USO1: variants seen among roughly 807,000 people sequenced by gnomAD.
USO1 encodes the protein general vesicular transport factor p115.
Under a neutral mutation model 124.5 loss-of-function variants are expected in USO1, and 57 were observed. The observed-to-expected ratio is 0.46, with a 90% CI of 0.37 to 0.57. The LOEUF (loss-of-function observed/expected upper bound fraction) is 0.57, where lower values mean the gene tolerates loss of function less well. Among genes scored for constraint, USO1 ranks in the 20% least tolerant of loss-of-function variants. The probability of loss-of-function intolerance (pLI) is 0.00; values close to 1 mark genes in which losing one functional copy is unlikely to be tolerated. For synonymous variants in USO1, 369 were observed against 362.8 expected, an observed-to-expected ratio of 1.02 and a Z score of -0.19; for missense variants, 900 against 1,040.6, an observed-to-expected ratio of 0.86 and a Z score of 1.86.
intron 1 of USO1, among the ~76,000 whole-genome samples, chr4:75,736,993 A>G (rs1720810551): frequency 6.6e-6 from 1 of 152,238 alleles, no homozygotes; most frequent in Non-Finnish European, 1.5e-5. Flanking sequence ...TGGTCAGGTC[A>G]TAGAGAAGGC....
rs1377073414 is a variant in USO1 at position 75,806,538 on chromosome 4, C to T, written c.2342C>T (p.Ala781Val). ...GAACAGTCTTCAGCAATAGTTTCAGCTAGAGATTCTGAACAAGTTGCAGAA... is the reference window on the plus strand; with the variant it reads ...GAACAGTCTTCAGCAATAGTTTCAGTTAGAGATTCTGAACAAGTTGCAGAA... ...TNEQSSAIVSARDSEQVAELK... is the reference protein window; with the variant it reads ...TNEQSSAIVSVRDSEQVAELK... The change falls in exon 20 of 24, where the codon GCT becomes GTT. Residue 781 changes from alanine (A) to valine (V), a missense_variant. Physicochemically the swap from Ala to Val is moderately conservative, Grantham distance 64 (BLOSUM62 0). Around this residue, in one of 2 missense-constraint regions of USO1, gnomAD observed 362 missense variants for 359.0 expected, o/e 1.01. Transcript: ENST00000514213. 4 of 1,560,710 alleles carry T rather than the reference C, an allele frequency of 2.6e-6. No homozygotes were observed. The Admixed American group carries it at 7.7e-5, about 30-fold the overall frequency.
chr4:75,724,946 A>G (rs748038629), intron 1 of USO1, 61 bp downstream of exon 1: 2 of 1,585,086 alleles, frequency 1.3e-6, no homozygotes, highest in South Asian at 1.1e-5. Flanking sequence ...GGGACGGAGC[A>G]CTCGGAGACC....
Position 75,813,206 on chromosome 4 carries a change from G to C in USO1, c.2800G>C (p.Val934Leu). 6.2e-7 allele frequency: 1 copy of C among 1,604,518 alleles called. No homozygotes were observed. Among genetic ancestry groups the C allele is most frequent in the Non-Finnish European group, 8.5e-7 (1 of 1,177,416 alleles). ...KNKLKDLGHP[V>L]EEEDELESGD... ...TATTAAATACGTCTTTTTCCTCTAG[G>C]TTGAAGAAGAGGATGAACTTGAATC... Residue 934 changes from valine (V) to leucine (L), a missense_variant and splice_region_variant, in exon 24 of 24, where the codon GTT (valine) becomes CTT (leucine). Around this residue, in one of 2 missense-constraint regions of USO1, gnomAD observed 362 missense variants for 359.0 expected, o/e 1.01. Coordinates refer to ENST00000514213, the MANE Select transcript of USO1 (RefSeq NM_003715.4).
intron 1 of USO1, among the ~76,000 whole-genome samples, chr4:75,750,376 T>C (rs2149152719): frequency 6.6e-6 from 1 of 151,822 alleles, no homozygotes; most frequent in East Asian, 1.9e-4. Flanking sequence ...AGGTTGTGGC[T>C]ACAGGGAGCC....
chr4:75,809,349 T>A (rs1161753820), intron 21 of USO1, among the ~76,000 whole-genome samples: 1 of 152,174 alleles, frequency 6.6e-6, no homozygotes, highest in East Asian at 1.9e-4. Flanking sequence ...TCAGAAACCG[T>A]TGTTGTTTTC....
chr4:75,765,699 A>G, intron 4 of USO1, among the ~76,000 whole-genome samples: 1 of 150,306 alleles, frequency 6.7e-6, no homozygotes, highest in Non-Finnish European at 1.5e-5. Context: ...ATCACAATTT[A>G]CCAAGCAAGG....
rs182043148 is a variant in USO1 at position 75,761,114 on chromosome 4, G to T, written c.295+3541G>T. On this transcript the variant is annotated intron_variant, in intron 4 of 23. Transcript: ENST00000514213. Reference sequence around the variant, plus strand: ...GTGAGCTAAGATTGTGCCACTGCACGATCCAGCCTGGGCGACAGAGTGAGA... The same window carrying T: ...GTGAGCTAAGATTGTGCCACTGCACTATCCAGCCTGGGCGACAGAGTGAGA... 5.9e-3 allele frequency among the ~76,000 whole-genome samples: 900 copies of T among 151,926 alleles called. 15 individuals are homozygous for T. The highest frequency in any genetic ancestry group is 0.021 in the African/African-American group (853 of 41,420).
In USO1 at chr4:75,799,815, C is replaced by G. The variant is rs112991102; in HGVS notation, c.1563+83C>G. On this transcript the variant is annotated intron_variant, in intron 14 of 23. Coordinates refer to ENST00000514213, the MANE Select transcript of USO1 (RefSeq NM_003715.4). The stretch of plus-strand genomic sequence containing the variant: ...TCCTCAATTAGAAGTAGTTCTATGC[C>G]CAAAATATTTGAATTCTCCACTATC... The G allele has an allele frequency of 2.3e-5, 34 of 1,488,706 alleles. 1 individual carries two copies. The African/African-American group carries it at 2.7e-4, about 12-fold the overall frequency. 92.2% of individuals were successfully genotyped at this position (1,488,706 alleles called of 1,614,324 possible).
chr4:75,767,968 C>A (rs1264195964), intron 4 of USO1, among the ~76,000 whole-genome samples: 2 of 152,112 alleles, frequency 1.3e-5, no homozygotes, highest in Admixed American at 6.5e-5. Context: ...CCTTCTAATA[C>A]AAGAACACAG....
At chr4:75,782,573 A>G in intron 8 of USO1, 107 bp from the exon 9 acceptor site, 1 of 1,395,906 alleles carries the variant, frequency 7.2e-7, no homozygotes, top group Non-Finnish European at 9.4e-7. Context: ...CTGCCTGGCC[A>G]TATTGAAGAG....
intron 5 of USO1, 107 bp from the exon 6 acceptor site, chr4:75,770,715 C>A: frequency 6.6e-7 from 1 of 1,525,986 alleles, no homozygotes; most frequent in Admixed American, 2.2e-5. Flanking sequence ...GTATGCTAAA[C>A]TTCCATGTTT....
At chr4:75,779,288 C>CT (rs1189489564) in intron 8 of USO1, among the ~76,000 whole-genome samples, 1 of 152,112 alleles carries the variant, frequency 6.6e-6, no homozygotes, top group Non-Finnish European at 1.5e-5. Context: ...ACAGTGGCCT[C>CT]TAAGTGTTCA....
At chr4:75,799,947 CTTT>C (rs371140227) in intron 14 of USO1, among the ~76,000 whole-genome samples, 1 of 139,876 alleles carries the variant, frequency 7.1e-6, no homozygotes. Flanking sequence ...TATGAAATTT[CTTT>C]TTTTTTTTTT....
chr4:75,788,175 T>TTTA (rs1560454758), intron 10 of USO1, among the ~76,000 whole-genome samples: 2 of 122,628 alleles, frequency 1.6e-5, no homozygotes, highest in African/African-American at 5.8e-5. Context: ...TTATTTATTT[T>TTTA]TTTTTTTTTT....
At chr4:75,810,909 T>C (rs576043488) in intron 22 of USO1, among the ~76,000 whole-genome samples, 1 of 152,204 alleles carries the variant, frequency 6.6e-6, no homozygotes, top group East Asian at 1.9e-4. Flanking sequence ...TTTTGTATTT[T>C]TAGTACAGAC....
chr4:75,745,910 TAA>T, intron 1 of USO1, among the ~76,000 whole-genome samples: 1 of 145,118 alleles, frequency 6.9e-6, no homozygotes, highest in African/African-American at 2.5e-5. Flanking sequence ...AAATAAAAAA[TAA>T]AAAAAAAACG....
intron 22 of USO1, 77 bp downstream of exon 22, chr4:75,810,616 T>C: frequency 7.1e-7 from 1 of 1,409,816 alleles, no homozygotes; most frequent in Non-Finnish European, 9.4e-7. Flanking sequence ...ATCTTTCAAA[T>C]TCTTAGATTT....
At chr4:75,770,774 G>T in intron 5 of USO1, 48 bp from the exon 6 acceptor site, 2 of 1,573,042 alleles carry the variant, frequency 1.3e-6, no homozygotes, top group Non-Finnish European at 1.7e-6. Context: ...TGTTTTTCTC[G>T]AAAATGTGAA....
intron 10 of USO1, among the ~76,000 whole-genome samples, chr4:75,789,021 G>A (rs1357225132): frequency 2.6e-5 from 4 of 151,728 alleles, no homozygotes; most frequent in Non-Finnish European, 5.9e-5. Flanking sequence ...TTGCTATTAG[G>A]AAGTTTGAAG....
Sources: allele counts gnomAD v4.1 joint callset (sites outside exome capture counted in the v4.1 genomes callset), GRCh38; gene constraint gnomAD v4.1.1; regional missense constraint gnomAD v4.1.1; transcripts MANE v1.5; gene names NCBI Gene and HGNC (gene_info 2026-07-23, HGNC 2026-07-21).